OR6K3: variants seen among roughly 807,000 people sequenced by gnomAD.
The protein encoded by OR6K3 is olfactory receptor family 6 subfamily K member 3.
For synonymous variants in OR6K3, 169 were observed against 137.7 expected (o/e 1.23, Z -1.59); for missense variants, 396 against 382.5 (o/e 1.04, Z -0.29).
At chr1:158,721,705 T>C (rs550569228), upstream of OR6K3, among the ~76,000 whole-genome samples, 8 of 151,938 alleles carry the variant, frequency 5.3e-5, no homozygotes, top group East Asian at 1.4e-3. Context: ...TTGTTTTTTT[T>C]CTAGAATTTT....
In OR6K3 at chr1:158,718,108, C is replaced by T. The variant is rs202114086; in HGVS notation, c.8G>A (p.Ser3Asn). Reference sequence around the variant, plus strand: ...TTCAGTCACTGTTGATTGGTTTCCGCTCTCCATATTTCTAGTAGAGCTACC... The same window carrying T: ...TTCAGTCACTGTTGATTGGTTTCCGTTCTCCATATTTCTAGTAGAGCTACC... Reference protein sequence around the residue: MESGNQSTVTEFI... With the variant: MENGNQSTVTEFI... The change falls in exon 2 of 2, where the codon AGC becomes AAC. Residue 3 changes from serine to asparagine, a missense_variant. Coordinates refer to ENST00000368145, the MANE Select transcript of OR6K3 (RefSeq NM_001005327.3). 1.0e-4 allele frequency: 168 copies of T among 1,604,854 alleles called. No homozygotes were observed. Among genetic ancestry groups the T allele is most frequent in the Non-Finnish European group, 1.3e-4 (158 of 1,174,012 alleles).
At position 158,717,409 on chromosome 1, in the gene OR6K3, G is replaced by T. The variant is rs745415591; in HGVS notation, c.707C>A (p.Ala236Asp). Residue 236 changes from alanine (A) to aspartate (D), a missense_variant, in exon 2 of 2, where the codon GCT (alanine) becomes GAT (aspartate). Coordinates refer to ENST00000368145, the MANE Select transcript of OR6K3 (RefSeq NM_001005327.3). The stretch of plus-strand genomic sequence containing the variant: ...GAGGTGGCCTGCACAGGTAGAAAAA[G>T]CCTTTTGCCTCCCTTCAGAAGAGGG... ...RIPSSEGRQK[A>D]FSTCAGHLMV... 2 of 1,613,698 alleles carry T rather than the reference G, an allele frequency of 1.2e-6. No individual in the cohort carries two copies. Among genetic ancestry groups the T allele is most frequent in the Non-Finnish European group, 1.7e-6 (2 of 1,179,776 alleles).
At chr1:158,724,719 C>A (rs887010792), upstream of OR6K3, 2 of 225,240 alleles carry the variant, frequency 8.9e-6, no homozygotes, top group South Asian at 1.6e-4. Context: ...TGGTGGTCAA[C>A]AAAATCCCCT....
upstream of OR6K3, chr1:158,724,310 A>G: frequency 6.2e-6 from 1 of 161,280 alleles, no homozygotes; most frequent in Non-Finnish European, 1.4e-5. Context: ...ACACTGCCAT[A>G]GAACATCAGA....
chr1:158,724,961 T>A (rs1232805012), upstream of OR6K3: 1 of 163,292 alleles, frequency 6.1e-6, no homozygotes, highest in East Asian at 1.7e-4. Context: ...AATATGTAGA[T>A]AACAAACAAT....
At chr1:158,722,643 C>T (rs557517124), upstream of OR6K3, among the ~76,000 whole-genome samples, 9 of 152,044 alleles carry the variant, frequency 5.9e-5, no homozygotes, top group South Asian at 2.1e-4. Flanking sequence ...TGTCCAACAC[C>T]GGGCAGATAA....
At chr1:158,724,385 T>G (rs1440897442), upstream of OR6K3, 3 of 212,928 alleles carry the variant, frequency 1.4e-5, no homozygotes, top group African/African-American at 7.0e-5. Context: ...GAGGGAATCC[T>G]CAGGATTACA....
chr1:158,717,338 G>A lies in OR6K3; in HGVS notation c.778C>T (p.Arg260Cys), dbSNP rs141674620. ...ACTGGTGGATAAGTGTCGCTGAAACGCAAGTACATGAGTGATACACTGCCA... is the reference window on the plus strand; with the variant it reads ...ACTGGTGGATAAGTGTCGCTGAAACACAAGTACATGAGTGATACACTGCCA... ...FFGSVSLMYL[R>C]FSDTYPPVLD... Residue 260 changes from arginine (R) to cysteine (C), a missense_variant, in exon 2 of 2, where the codon CGT (arginine) becomes TGT (cysteine). Coordinates refer to ENST00000368145, the MANE Select transcript of OR6K3 (RefSeq NM_001005327.3). The A allele has an allele frequency of 2.5e-5, 41 of 1,613,614 alleles. No homozygotes were observed. The highest frequency in any genetic ancestry group is 1.1e-4 in the East Asian group (5 of 44,864).
At chr1:158,723,646 T>C (rs895281864), upstream of OR6K3, among the ~76,000 whole-genome samples, 1 of 151,992 alleles carries the variant, frequency 6.6e-6, no homozygotes, top group African/African-American at 2.4e-5. Context: ...TTTATACCAA[T>C]AGATGATAAA....
At position 158,717,976 on chromosome 1, in the gene OR6K3, GAGA is replaced by G. The variant is rs765292977; in HGVS notation, c.137_139del (p.Phe46del). The G allele has an allele frequency of 2.5e-6, 4 of 1,613,092 alleles. No homozygotes were observed. Among genetic ancestry groups the G allele is most frequent in the Non-Finnish European group, 3.4e-6 (4 of 1,179,358 alleles). On this transcript the variant is annotated inframe_deletion, in exon 2 of 2. Transcript: ENST00000368145. ...GAGATGGGTGTCCAGCCTTACAGCA[GAGA>G]AGATTAATAAGTTATCAATGATAAT...
Position 158,720,677 on chromosome 1 carries a change from A to G in OR6K3, c.-18+6T>C, listed in dbSNP as rs966066236. On this transcript the variant is annotated splice_donor_region_variant and intron_variant, in intron 1 of 1. Transcript: ENST00000368145. ...GTCTCTTTATGACTTAGTCATCTAC[A>G]CTCACCTTTGCCAAAAACACAGGGA... 3 of 151,904 alleles carry G rather than the reference A, an allele frequency of 2.0e-5. No individual in the cohort carries two copies. Among genetic ancestry groups the G allele is most frequent in the Non-Finnish European group, 2.9e-5 (2 of 67,934 alleles). The allele number at this position is 151,904 out of a possible 1,614,324, so 9.4% of individuals were successfully genotyped here.
chr1:158,724,723 A>G (rs1656350770), upstream of OR6K3: 1 of 224,752 alleles, frequency 4.4e-6, no homozygotes, highest in Non-Finnish European at 9.5e-6. Context: ...GGTCAACAAA[A>G]TCCCCTCTGA....
Position 158,720,689 on chromosome 1 carries a change from C to G in OR6K3, c.-24G>C, listed in dbSNP as rs1035408250. ...CTTAGTCATCTACACTCACCTTTGCCAAAAACACAGGGACTCCTCAGTCTG... is the reference window on the plus strand; with the variant it reads ...CTTAGTCATCTACACTCACCTTTGCGAAAAACACAGGGACTCCTCAGTCTG... On this transcript the variant is annotated 5_prime_UTR_variant, in exon 1 of 2. Transcript: ENST00000368145. 6.6e-6 allele frequency: 1 copy of G among 151,956 alleles called. No individual in the cohort carries two copies. Among genetic ancestry groups the G allele is most frequent in the East Asian group, 1.9e-4 (1 of 5,160 alleles). The allele number at this position is 151,956 out of a possible 1,614,324, so 9.4% of individuals were successfully genotyped here.
chr1:158,721,610 A>G (rs1279934860), upstream of OR6K3, among the ~76,000 whole-genome samples: 1 of 151,904 alleles, frequency 6.6e-6, no homozygotes, highest in Non-Finnish European at 1.5e-5. Context: ...GTATAATATA[A>G]AACAGTCTGT....
Position 158,717,500 on chromosome 1 carries a change from T to C in OR6K3, c.616A>G (p.Ile206Val), listed in dbSNP as rs549975767. 11 of 1,613,708 alleles carry C rather than the reference T, an allele frequency of 6.8e-6. No homozygotes were observed. In the East Asian group the frequency reaches 1.1e-4, roughly 16 times the overall value. ...GCAATGATTAGGAAGGTAATGATGA[T>C]GGTCACAGCATGAATCACATCCTCA... ...LIEDVIHAVT[I>V]IITFLIIALS... Residue 206 changes from isoleucine to valine, a missense_variant, in exon 2 of 2, where the codon ATC becomes GTC. Transcript: ENST00000368145.
rs1232431901 is a variant in OR6K3, at chr1:158,717,317, G to A, written c.799C>T (p.Pro267Ser). ...AGTGCAATGGCTGTGTCCAAAACTG[G>A]TGGATAAGTGTCGCTGAAACGCAAG... ...MYLRFSDTYP[P>S]VLDTAIALMF... The change falls in exon 2 of 2, where the codon CCA becomes TCA. Residue 267 changes from proline to serine, a missense_variant. Coordinates refer to ENST00000368145, the MANE Select transcript of OR6K3 (RefSeq NM_001005327.3). 2 of 1,613,752 alleles carry A rather than the reference G, an allele frequency of 1.2e-6. No individual in the cohort carries two copies. Among genetic ancestry groups the A allele is most frequent in the African/African-American group, 1.3e-5 (1 of 75,008 alleles).
At chr1:158,721,451 T>A (rs757423776), upstream of OR6K3, among the ~76,000 whole-genome samples, 5 of 152,010 alleles carry the variant, frequency 3.3e-5, no homozygotes, top group Non-Finnish European at 5.9e-5. Context: ...TCTGGAAATA[T>A]GTATCAAGTT....
At chr1:158,719,910 A>C (rs1242709058) in intron 1 of OR6K3, among the ~76,000 whole-genome samples, 3 of 152,020 alleles carry the variant, frequency 2.0e-5, no homozygotes, top group Non-Finnish European at 2.9e-5. Context: ...TAATGCTCTA[A>C]TGAGGTGAAA....
chr1:158,722,778 G>GT (rs1339949640), upstream of OR6K3, among the ~76,000 whole-genome samples: 1 of 151,720 alleles, frequency 6.6e-6, no homozygotes, highest in Non-Finnish European at 1.5e-5. Context: ...TTTGATTTTT[G>GT]TTTTTTGCTG....
Sources: allele counts gnomAD v4.1 joint callset (sites outside exome capture counted in the v4.1 genomes callset), GRCh38; gene constraint gnomAD v4.1.1; transcripts MANE v1.5; gene names NCBI Gene and HGNC (gene_info 2026-07-23, HGNC 2026-07-21).